Variants in TRMT9B observed in about 807,000 individuals in gnomAD.
TRMT9B encodes tRNA methyltransferase 9B (putative), also known as probable tRNA methyltransferase 9B.
In TRMT9B, 16 loss-of-function variants were observed where a neutral mutation model predicts 11.5. The observed-to-expected ratio is 1.39, with a 90% CI of 0.94 to 2.11. TRMT9B has a LOEUF of 2.11. Ranked by LOEUF, TRMT9B falls within the 30% of genes most tolerant of loss-of-function variation. The pLI is 0.00. For missense variants in TRMT9B, 941 were observed against 553.8 expected (o/e 1.70, Z -7.02); for synonymous variants, 274 against 192.4 (o/e 1.42, Z -3.51).
intron 1 of TRMT9B, chr8:12,960,251 C>T (rs1220779236): frequency 6.6e-6 from 1 of 152,174 alleles, no homozygotes; most frequent in Non-Finnish European, 1.5e-5. Flanking sequence ...TAGTGGCAGC[C>T]TTAAGGGAAA....
chr8:13,008,966 G>C (rs1400820900), intron 3 of TRMT9B, among the ~76,000 whole-genome samples: 2 of 152,138 alleles, frequency 1.3e-5, no homozygotes, highest in African/African-American at 4.8e-5. Context: ...CTGACTTTGT[G>C]ATCCACCGAC....
intron 1 of TRMT9B, among the ~76,000 whole-genome samples, chr8:12,953,825 A>G (rs1006808542): frequency 2.6e-5 from 4 of 152,176 alleles, no homozygotes; most frequent in Non-Finnish European, 5.9e-5. Context: ...TTATTTAAAG[A>G]AGACCTTGAG....
At chr8:12,994,039 A>G (rs528634362) in intron 2 of TRMT9B, among the ~76,000 whole-genome samples, 8 of 152,324 alleles carry the variant, frequency 5.3e-5, no homozygotes, top group South Asian at 4.1e-4. Context: ...GAGGGAGAAT[A>G]ACTGTCCGAG....
intron 2 of TRMT9B, among the ~76,000 whole-genome samples, chr8:12,999,010 T>C (rs1015091861): frequency 1.3e-5 from 2 of 152,062 alleles, no homozygotes; most frequent in African/African-American, 2.4e-5. Context: ...TTAAGAAAGA[T>C]TGTTCAGGGG....
chr8:12,957,820 G>T (rs1801513612), intron 1 of TRMT9B, among the ~76,000 whole-genome samples: 1 of 152,132 alleles, frequency 6.6e-6, no homozygotes, highest in African/African-American at 2.4e-5. Flanking sequence ...TATTTTAACT[G>T]TTTTTTGAGT....
chr8:12,977,872 CA>C (rs1804710588), intron 1 of TRMT9B, among the ~76,000 whole-genome samples: 1 of 151,244 alleles, frequency 6.6e-6, no homozygotes, highest in African/African-American at 2.4e-5. Flanking sequence ...GAAAAAAATA[CA>C]AAAACATTAG....
chr8:12,987,654 T>C (rs1473619912), intron 1 of TRMT9B, among the ~76,000 whole-genome samples: 2 of 151,326 alleles, frequency 1.3e-5, no homozygotes, highest in Non-Finnish European at 2.9e-5. Context: ...ATGGTGCCAC[T>C]GCACTCCAGC....
intron 3 of TRMT9B, among the ~76,000 whole-genome samples, chr8:13,008,766 T>C (rs1237605785): frequency 6.6e-6 from 1 of 152,214 alleles, no homozygotes; most frequent in Non-Finnish European, 1.5e-5. Context: ...TCTTGCTCTG[T>C]TGCCCAGGCT....
At chr8:12,949,355 T>A (rs1014567497) in intron 1 of TRMT9B, among the ~76,000 whole-genome samples, 3 of 152,206 alleles carry the variant, frequency 2.0e-5, no homozygotes, top group African/African-American at 7.2e-5. Flanking sequence ...GTCAATATTT[T>A]GACAGTCATT....
intron 1 of TRMT9B, among the ~76,000 whole-genome samples, chr8:12,962,642 C>G (rs574573378): frequency 6.6e-6 from 1 of 152,204 alleles, no homozygotes; most frequent in East Asian, 1.9e-4. Context: ...AGGTGTGTGC[C>G]ACTACACCCA....
intron 1 of TRMT9B, among the ~76,000 whole-genome samples, chr8:12,987,426 G>A (rs1806512342): frequency 6.6e-6 from 1 of 152,138 alleles, no homozygotes. Flanking sequence ...TGCAGTGGCT[G>A]ACTTCTGTAA....
rs560738249 is a variant in TRMT9B at position 12,953,026 on chromosome 8, C to T, written c.-200+7060C>T. On this transcript the variant is annotated intron_variant, in intron 1 of 4. Transcript: ENST00000524591. ...GTGCTGGGATTACAGGCGTGAGCCA[C>T]CGGGCCCGGCTGATTCTTTTTATAG... Among the ~76,000 whole-genome samples, 10 of 152,274 alleles carry T rather than the reference C, an allele frequency of 6.6e-5. No individual in the cohort carries two copies. The East Asian group carries it at 1.9e-3, about 29-fold the overall frequency.
At chr8:13,000,925 C>T (rs576716552) in intron 2 of TRMT9B, among the ~76,000 whole-genome samples, 35 of 152,164 alleles carry the variant, frequency 2.3e-4, no homozygotes, top group African/African-American at 6.7e-4. Context: ...TACCTCAGGA[C>T]GCAAGGCTGG....
intron 1 of TRMT9B, among the ~76,000 whole-genome samples, chr8:12,958,965 G>T (rs547794107): frequency 6.6e-6 from 1 of 152,076 alleles, no homozygotes; most frequent in Non-Finnish European, 1.5e-5. Context: ...CTGTGGGAGG[G>T]ATAGCATTAG....
chr8:13,012,652 GATAGC>G (rs773119260), intron 3 of TRMT9B, 27 bp from the exon 4 acceptor site: 1 of 1,581,482 alleles, frequency 6.3e-7, no homozygotes, highest in Non-Finnish European at 8.6e-7. Flanking sequence ...TTCCATTGAG[GATAGC>G]ATGTAACGCA....
chr8:12,952,265 A>G (rs1800726973), intron 1 of TRMT9B: 1 of 412,448 alleles, frequency 2.4e-6, no homozygotes, highest in Non-Finnish European at 5.0e-6. Context: ...TGCGCCCTAG[A>G]TCCGCTGCCT....
At chr8:12,966,706 A>C (rs903741221) in intron 1 of TRMT9B, among the ~76,000 whole-genome samples, 1 of 152,204 alleles carries the variant, frequency 6.6e-6, no homozygotes, top group Non-Finnish European at 1.5e-5. Flanking sequence ...CATCCAATGT[A>C]TGAGAGTAAG....
chr8:13,021,529 G>A lies in TRMT9B; in HGVS notation c.850G>A (p.Val284Ile). Residue 284 changes from valine to isoleucine, a missense_variant, in exon 5 of 5, where the codon GTC becomes ATC. Transcript: ENST00000524591. Reference sequence around the variant, plus strand: ...AGTTTGGGCCAGTAGCACTGTAACAGTCCAGCCTTCCAGACACTCTAGTTT... The same window carrying A: ...AGTTTGGGCCAGTAGCACTGTAACAATCCAGCCTTCCAGACACTCTAGTTT... ...TEVWASSTVT[V>I]QPSRHSSLDF... 6.2e-7 allele frequency: 1 copy of A among 1,613,896 alleles called. No individual in the cohort carries two copies. The highest frequency in any genetic ancestry group is 8.5e-7 in the Non-Finnish European group (1 of 1,179,792).
chr8:13,016,333 A>C (rs1812696682), intron 4 of TRMT9B, among the ~76,000 whole-genome samples: 1 of 146,268 alleles, frequency 6.8e-6, no homozygotes, highest in Non-Finnish European at 1.5e-5. Flanking sequence ...AGTCTATTGA[A>C]ATTTCTCTTA....
Sources: gnomAD v4.1 joint callset for allele counts (sites outside exome capture counted in the v4.1 genomes callset) on GRCh38, gnomAD v4.1.1 for gene constraint, MANE v1.5 for transcripts, NCBI Gene and HGNC (gene_info 2026-07-23, HGNC 2026-07-21) for gene names.